Variants in HNRNPC observed in about 807,000 individuals in gnomAD.
HNRNPC encodes heterogeneous nuclear ribonucleoproteins C1/C2.
Under a neutral mutation model 33.2 loss-of-function variants are expected in HNRNPC, and 3 were observed. The observed-to-expected ratio is 0.09, with a 90% CI of 0.04 to 0.23. The LOEUF (loss-of-function observed/expected upper bound fraction) is 0.23. Ranked by LOEUF, HNRNPC falls within the 10% of genes least tolerant of loss-of-function variation. HNRNPC has a pLI of 1.00. For missense variants in HNRNPC, 143 were observed against 366.7 expected (o/e 0.39, Z 4.98); for synonymous variants, 121 against 126.7 (o/e 0.96, Z 0.30).
intron 5 of HNRNPC, among the ~76,000 whole-genome samples, chr14:21,224,091 T>C (rs865900850): frequency 1.3e-5 from 2 of 152,098 alleles, no homozygotes; most frequent in East Asian, 1.9e-4. Context: ...CATACATATA[T>C]ATAAACAAAC....
intron 5 of HNRNPC, among the ~76,000 whole-genome samples, chr14:21,215,265 G>C (rs902043184): frequency 6.6e-6 from 1 of 152,078 alleles, no homozygotes; most frequent in Admixed American, 6.6e-5. Context: ...AAAATGTTGA[G>C]GACGGTAAGT....
At chr14:21,262,169 C>G (rs1878356089) in intron 2 of HNRNPC, among the ~76,000 whole-genome samples, 1 of 152,052 alleles carries the variant, frequency 6.6e-6, no homozygotes, top group Non-Finnish European at 1.5e-5. Context: ...TGTTGTATCT[C>G]CTATGGTTTG....
intron 3 of HNRNPC, among the ~76,000 whole-genome samples, chr14:21,232,402 G>C (rs543905672): frequency 7.3e-4 from 111 of 152,082 alleles, no homozygotes; most frequent in Non-Finnish European, 2.8e-4. Context: ...TTTTTAGACA[G>C]AGTCTTGCCC....
At chr14:21,228,445 G>T (rs1255713281) in intron 5 of HNRNPC, among the ~76,000 whole-genome samples, 3 of 152,158 alleles carry the variant, frequency 2.0e-5, no homozygotes, top group African/African-American at 7.2e-5. Flanking sequence ...AGGCTGGAGT[G>T]CAGTGGCGCG....
chr14:21,249,008 C>T (rs1287613928), intron 2 of HNRNPC, among the ~76,000 whole-genome samples: 1 of 152,138 alleles, frequency 6.6e-6, no homozygotes, highest in Non-Finnish European at 1.5e-5. Flanking sequence ...AGGAGCATAA[C>T]CAAAGTATGT....
intron 5 of HNRNPC, among the ~76,000 whole-genome samples, chr14:21,223,992 C>A (rs528592626): frequency 6.6e-6 from 1 of 152,270 alleles, no homozygotes; most frequent in Admixed American, 6.5e-5. Context: ...CTAGAAGTCT[C>A]CTGCTCTGTG....
rs1247025299 is a variant in HNRNPC, at chr14:21,265,889, C to A, written c.-62-2553G>T. On this transcript the variant is annotated intron_variant, in intron 1 of 8. Transcript: ENST00000553300. ...TTGGATCCCTTCTTCTAAAGGGGCA[C>A]CTCTCAGAATGAGTGATGCATGAGC... Among the ~76,000 whole-genome samples the A allele has an allele frequency of 3.9e-5, 6 of 152,304 alleles. No individual in the cohort carries two copies. The South Asian group carries it at 1.2e-3, about 32-fold the overall frequency.
intron 2 of HNRNPC, among the ~76,000 whole-genome samples, chr14:21,246,585 C>T (rs963804202): frequency 2.7e-5 from 4 of 149,138 alleles, no homozygotes; most frequent in Non-Finnish European, 5.9e-5. Context: ...AAAAAAAAGT[C>T]GTCTTATAAC....
intron 8 of HNRNPC, 28 bp downstream of exon 8, chr14:21,211,377 CT>C: frequency 6.5e-7 from 1 of 1,538,830 alleles, no homozygotes. Context: ...CCTCCACCAC[CT>C]TTTTCTTTCC....
At chr14:21,263,588 G>C (rs1878534754) in intron 1 of HNRNPC, 1 of 151,526 alleles carries the variant, frequency 6.6e-6, no homozygotes, top group South Asian at 2.1e-4. Context: ...AACTGCTGCA[G>C]AAAAAATAGA....
At chr14:21,235,296 AAAGATTCC>A (rs1243997636) in intron 2 of HNRNPC, among the ~76,000 whole-genome samples, 1 of 152,130 alleles carries the variant, frequency 6.6e-6, no homozygotes, top group Admixed American at 6.5e-5. Flanking sequence ...ATAAATCTCA[AAAGATTCC>A]AGTATTTGTT....
rs148496891 is a variant in HNRNPC at position 21,230,007 on chromosome 14, A to T, written c.365+312T>A. ...TCCTATTTCCTGTTAAGCATTTGCT[A>T]TCAACAGTTCTAAATCTGTTACCCA... is the stretch of plus-strand genomic sequence containing the variant. On this transcript the variant is annotated intron_variant, in intron 5 of 8. Coordinates refer to ENST00000553300, the MANE Select transcript of HNRNPC (RefSeq NM_004500.4). Among the ~76,000 whole-genome samples, 178 of 152,340 alleles carry T rather than the reference A, an allele frequency of 1.2e-3. 1 individual carries two copies. The East Asian group carries it at 0.025, about 22-fold the overall frequency.
chr14:21,265,115 G>C (rs999992938), intron 1 of HNRNPC: 1 of 152,224 alleles, frequency 6.6e-6, no homozygotes, highest in African/African-American at 2.4e-5. Flanking sequence ...AAAAAGAACA[G>C]TGTAGGAATG....
At chr14:21,233,511 A>G (rs1450311967) in intron 3 of HNRNPC, among the ~76,000 whole-genome samples, 1 of 152,250 alleles carries the variant, frequency 6.6e-6, no homozygotes, top group East Asian at 1.9e-4. Context: ...AAACCAAATC[A>G]TAGGTAGTAA....
intron 5 of HNRNPC, among the ~76,000 whole-genome samples, chr14:21,217,868 T>C (rs1278499922): frequency 2.6e-5 from 4 of 152,164 alleles, no homozygotes; most frequent in African/African-American, 7.2e-5. Flanking sequence ...GATGGTTTCA[T>C]TAGGAAACTA....
intron 2 of HNRNPC, among the ~76,000 whole-genome samples, chr14:21,256,593 T>TTGGACCAAGTGTCGACAGTATGAG (rs1877252050): frequency 6.6e-6 from 1 of 152,096 alleles, no homozygotes; most frequent in African/African-American, 2.4e-5. Flanking sequence ...TGGCTTGAAA[T>TTGGACCAAGTGTCGACAGTATGAG]TGGACCAAGT....
intron 2 of HNRNPC, among the ~76,000 whole-genome samples, chr14:21,252,066 T>C (rs573893336): frequency 6.6e-6 from 1 of 152,214 alleles, no homozygotes; most frequent in Non-Finnish European, 1.5e-5. Context: ...AATTTGAGAA[T>C]AGTAAAAGGT....
At chr14:21,266,822 G>A (rs1038360410) in intron 1 of HNRNPC, among the ~76,000 whole-genome samples, 5 of 151,828 alleles carry the variant, frequency 3.3e-5, no homozygotes, top group Non-Finnish European at 7.4e-5. Context: ...CGGGTGCGGT[G>A]GCTCACGCCT....
At position 21,246,848 on chromosome 14, in the gene HNRNPC, TGAA is replaced by T. The variant is rs767894190; in HGVS notation, c.-36-12622_-36-12620del. On this transcript the variant is annotated intron_variant, in intron 2 of 8. Coordinates refer to ENST00000553300, the MANE Select transcript of HNRNPC (RefSeq NM_004500.4). Reference sequence around the variant, plus strand: ...CTCAGCCTATTCAATGTGAGGACAATGAAGAAGACATTTGTGATGATTTACTTC... The same window carrying T: ...CTCAGCCTATTCAATGTGAGGACAATGAAGACATTTGTGATGATTTACTTC... 4.9e-4 allele frequency among the ~76,000 whole-genome samples: 75 copies of T among 152,218 alleles called. 1 individual carries two copies. Among genetic ancestry groups the T allele is most frequent in the African/African-American group, 1.6e-3 (65 of 41,454 alleles).
Sources: gnomAD v4.1 joint callset for allele counts (sites outside exome capture counted in the v4.1 genomes callset) on GRCh38, gnomAD v4.1.1 for gene constraint, MANE v1.5 for transcripts, NCBI Gene and HGNC (gene_info 2026-07-23, HGNC 2026-07-21) for gene names.